SUGCT: variants seen among roughly 807,000 people sequenced by gnomAD.
The protein encoded by SUGCT is succinyl-CoA:glutarate-CoA transferase.
Under a neutral mutation model 55.0 loss-of-function variants are expected in SUGCT, and 41 were observed. The ratio of observed to expected loss-of-function variants is 0.74; its 90% CI spans 0.58 to 0.97. The LOEUF is 0.97. SUGCT is among the 50% of genes least tolerant of loss of function. SUGCT has a pLI of 0.00. For synonymous variants in SUGCT, 187 were observed against 200.4 expected (o/e 0.93, Z 0.56); for missense variants, 568 against 547.8 (o/e 1.04, Z -0.37).
intron 9 of SUGCT, among the ~76,000 whole-genome samples, chr7:40,447,732 G>A (rs1013567104): frequency 6.6e-5 from 10 of 152,158 alleles, no homozygotes; most frequent in African/African-American, 2.4e-4. Context: ...AGATGATTAA[G>A]CAAGTTCTGG....
At chr7:40,539,674 T>A (rs1794566691) in intron 12 of SUGCT, 1 of 152,222 alleles carries the variant, frequency 6.6e-6, no homozygotes, top group South Asian at 2.1e-4. Context: ...AGGGAGAATC[T>A]TCTGATTCCT....
At chr7:40,862,205 T>C (rs954351420), downstream of SUGCT, among the ~76,000 whole-genome samples, 2 of 152,040 alleles carry the variant, frequency 1.3e-5, no homozygotes, top group African/African-American at 4.8e-5. Context: ...TTTTCAAAAT[T>C]CCCCTAAAAT....
chr7:40,580,682 T>A (rs1797040270), intron 12 of SUGCT, among the ~76,000 whole-genome samples: 1 of 152,224 alleles, frequency 6.6e-6, no homozygotes, highest in African/African-American at 2.4e-5. Context: ...GATTAATATG[T>A]GCAGTCATGT....
chr7:40,720,844 G>A (rs567833144), intron 12 of SUGCT, among the ~76,000 whole-genome samples: 1 of 152,250 alleles, frequency 6.6e-6, no homozygotes, highest in South Asian at 2.1e-4. Flanking sequence ...CATGAAGAAA[G>A]CTTTACAGCA....
the SUGCT span, among the ~76,000 whole-genome samples, chr7:40,905,994 G>A: frequency 6.6e-6 from 1 of 152,044 alleles, no homozygotes; most frequent in Non-Finnish European, 1.5e-5. Flanking sequence ...AAAGTGCTGG[G>A]ATTACAGGCA....
the SUGCT span, among the ~76,000 whole-genome samples, chr7:40,881,448 C>T: frequency 2.0e-5 from 3 of 152,142 alleles, no homozygotes; most frequent in Admixed American, 2.0e-4. Flanking sequence ...AGTTGAGCCC[C>T]CTGCCTTCTC....
intron 8 of SUGCT, among the ~76,000 whole-genome samples, chr7:40,284,720 A>G (rs1302029885): frequency 6.6e-6 from 1 of 151,948 alleles, no homozygotes; most frequent in Non-Finnish European, 1.5e-5. Flanking sequence ...TTATAATTTT[A>G]TTTTCAATTA....
the SUGCT span, among the ~76,000 whole-genome samples, chr7:40,901,153 G>T: frequency 7.9e-5 from 12 of 152,312 alleles, no homozygotes; most frequent in East Asian, 1.9e-3. Flanking sequence ...TTGACTTACA[G>T]CTCTTACATG....
At chr7:40,250,910 C>G (rs987604350) in intron 7 of SUGCT, among the ~76,000 whole-genome samples, 1 of 147,254 alleles carries the variant, frequency 6.8e-6, no homozygotes, top group African/African-American at 2.6e-5. Flanking sequence ...GATCTCAGCT[C>G]ACTGCAACCT....
the SUGCT span, among the ~76,000 whole-genome samples, chr7:41,019,653 T>C: frequency 6.6e-6 from 1 of 152,226 alleles, no homozygotes; most frequent in African/African-American, 2.4e-5. Flanking sequence ...TCCAACTCTA[T>C]GTTCTTCTGA....
At chr7:40,239,275 C>T (rs891216999) in intron 7 of SUGCT, among the ~76,000 whole-genome samples, 7 of 151,972 alleles carry the variant, frequency 4.6e-5, no homozygotes, top group African/African-American at 1.7e-4. Flanking sequence ...GAGATGGTGT[C>T]CCATTATGTT....
intron 12 of SUGCT, among the ~76,000 whole-genome samples, chr7:40,689,290 C>G (rs887255071): frequency 6.6e-6 from 1 of 152,156 alleles, no homozygotes; most frequent in African/African-American, 2.4e-5. Flanking sequence ...CAGTGGATAG[C>G]AAGCAATGAG....
chr7:40,977,586 G>A, the SUGCT span, among the ~76,000 whole-genome samples: 3 of 152,120 alleles, frequency 2.0e-5, no homozygotes, highest in African/African-American at 7.2e-5. Flanking sequence ...GGCTTCTAGG[G>A]GAAGGGGTAT....
the SUGCT span, chr7:40,965,261 A>T: frequency 6.6e-6 from 1 of 152,320 alleles, no homozygotes; most frequent in South Asian, 2.1e-4. Context: ...AGAACTATGC[A>T]ACTGACCATA....
chr7:40,370,116 T>C (rs982132481), intron 9 of SUGCT, among the ~76,000 whole-genome samples: 7 of 152,154 alleles, frequency 4.6e-5, no homozygotes, highest in African/African-American at 1.7e-4. Flanking sequence ...GAATGTGTAT[T>C]TTGATCTACT....
intron 1 of SUGCT, among the ~76,000 whole-genome samples, chr7:40,180,227 G>A (rs1785119693): frequency 6.6e-6 from 1 of 151,856 alleles, no homozygotes; most frequent in African/African-American, 2.4e-5. Flanking sequence ...GGGTTCAAAG[G>A]ATCCTCCTGC....
chr7:40,283,748 T>C (rs756314908), intron 8 of SUGCT, among the ~76,000 whole-genome samples: 1 of 152,154 alleles, frequency 6.6e-6, no homozygotes, highest in African/African-American at 2.4e-5. Flanking sequence ...ATAGCCGTTA[T>C]GGAAAACAGT....
At chr7:41,035,977 C>T in the SUGCT span, among the ~76,000 whole-genome samples, 1 of 152,212 alleles carries the variant, frequency 6.6e-6, no homozygotes, top group East Asian at 1.9e-4. Context: ...TTTGGAACCC[C>T]CTGTGGTTTT....
At chr7:40,920,697 C>T in the SUGCT span, among the ~76,000 whole-genome samples, 40 of 152,270 alleles carry the variant, frequency 2.6e-4, no homozygotes, top group African/African-American at 9.1e-4. Context: ...GGCAGATCTT[C>T]TATTTGTCAA....
Sources: allele counts gnomAD v4.1 joint callset (sites outside exome capture counted in the v4.1 genomes callset), GRCh38; gene constraint gnomAD v4.1.1; transcripts MANE v1.5; gene names NCBI Gene and HGNC (gene_info 2026-07-23, HGNC 2026-07-21).